Variants in SLC39A11 observed in about 807,000 individuals in gnomAD.
SLC39A11 encodes solute carrier family 39 member 11.
Under a neutral mutation model 36.1 loss-of-function variants are expected in SLC39A11, and 33 were observed. That is an observed-to-expected ratio of 0.91 (90% confidence interval 0.69 to 1.22). The LOEUF is 1.22. Ranked by LOEUF, SLC39A11 falls within the 50% of genes most tolerant of loss-of-function variation. The pLI, the probability that SLC39A11 is intolerant of heterozygous loss-of-function variation, is 0.00. For synonymous variants in SLC39A11, 166 were observed against 170.3 expected (o/e 0.97, Z 0.20); for missense variants, 432 against 430.3 (o/e 1.00, Z -0.03).
intron 5 of SLC39A11, among the ~76,000 whole-genome samples, chr17:72,850,445 C>T (rs1441958539): frequency 7.0e-6 from 1 of 143,506 alleles, no homozygotes; most frequent in Non-Finnish European, 1.5e-5. Context: ...CAGAGTAAGA[C>T]CCTGTCTCAA....
rs141255975 is a variant in SLC39A11 at position 72,698,978 on chromosome 17, C to G, written c.671+37672G>C. Among the ~76,000 whole-genome samples the G allele has an allele frequency of 3.9e-5, 6 of 152,180 alleles. No homozygotes were observed. In the South Asian group the frequency reaches 1.2e-3, roughly 32 times the overall value. ...CCCGAGTAGCTGGGACTACAGGCGC[C>G]CGCCACCACACCTAGATAATTTTTG... On this transcript the variant is annotated intron_variant, in intron 7 of 9. Transcript: ENST00000255559.
chr17:73,090,899 G>A (rs2060902181), intron 1 of SLC39A11, among the ~76,000 whole-genome samples: 3 of 152,184 alleles, frequency 2.0e-5, no homozygotes, highest in African/African-American at 7.2e-5. Context: ...GAGCAGCATT[G>A]ATCACGGGCA....
At chr17:72,999,690 T>A (rs1311003208) in intron 4 of SLC39A11, among the ~76,000 whole-genome samples, 4 of 152,186 alleles carry the variant, frequency 2.6e-5, no homozygotes. Context: ...ACTGACTGCC[T>A]AGGGCTGCAG....
intron 4 of SLC39A11, among the ~76,000 whole-genome samples, chr17:72,989,293 G>C (rs1403860988): frequency 6.6e-6 from 1 of 152,226 alleles, no homozygotes; most frequent in Admixed American, 6.5e-5. Context: ...GTATTTCACA[G>C]AGTTCTCCTG....
chr17:73,076,539 G>C (rs959773836), intron 3 of SLC39A11, among the ~76,000 whole-genome samples: 2 of 152,204 alleles, frequency 1.3e-5, no homozygotes, highest in Non-Finnish European at 2.9e-5. Flanking sequence ...CTACAGTGCT[G>C]TGTAGACATC....
At chr17:73,084,717 C>T (rs1394792689) in intron 3 of SLC39A11, 91 bp downstream of exon 3, 5 of 1,258,030 alleles carry the variant, frequency 4.0e-6, no homozygotes, top group Non-Finnish European at 5.8e-6. Flanking sequence ...GCATCTAGGT[C>T]GCAAGGGGAG....
rs1813361597 is a variant in SLC39A11, at chr17:72,736,690, C to A, written c.631G>T (p.Ala211Ser). 1.2e-6 allele frequency: 2 copies of A among 1,614,022 alleles called. No homozygotes were observed. Among genetic ancestry groups the A allele is most frequent in the Non-Finnish European group, 1.7e-6 (2 of 1,179,958 alleles). The change falls in exon 7 of 10, where the codon GCT (alanine) becomes TCT (serine). Residue 211 changes from alanine to serine, a missense_variant. Transcript: ENST00000255559. ...GTAGCAGATGCCGTCTTTTCTATAGCCCCAAATCCAACTCCAACAGCGAGA... is the reference window on the plus strand; with the variant it reads ...GTAGCAGATGCCGTCTTTTCTATAGACCCAAATCCAACTCCAACAGCGAGA... ...EGLAVGVGFG[A>S]IEKTASATFE...
chr17:73,076,799 T>C lies in SLC39A11; in HGVS notation c.147+8009A>G, dbSNP rs1045644807. 2.1e-5 allele frequency among the ~76,000 whole-genome samples: 3 copies of C among 141,018 alleles called. 1 individual carries two copies. In the South Asian group the frequency reaches 6.7e-4, roughly 31 times the overall value. The allele number at this position is 141,018 out of a possible 152,430, so 92.5% of individuals were successfully genotyped here. A position where few individuals can be genotyped will look rare whatever the true frequency, so the allele number is the denominator to read the frequency against. Reference sequence around the variant, plus strand: ...GGAAGAGGCAAGGGGACTTTCTTTTTTTCTTTTTTTTTTTTTTTTACATCT... The same window carrying C: ...GGAAGAGGCAAGGGGACTTTCTTTTCTTCTTTTTTTTTTTTTTTTACATCT... On this transcript the variant is annotated intron_variant, in intron 3 of 9. Coordinates refer to ENST00000255559, the MANE Select transcript of SLC39A11 (RefSeq NM_139177.4).
At chr17:72,699,108 G>C (rs111774634) in intron 7 of SLC39A11, among the ~76,000 whole-genome samples, 14,737 of 152,086 alleles carry the variant, frequency 0.097, 977 homozygotes, top group African/African-American at 0.19. Flanking sequence ...GGATTACAGG[G>C]GTGAGCCACA....
At position 72,669,203 on chromosome 17, in the gene SLC39A11, A is replaced by C. The variant is rs1214232618; in HGVS notation, c.672-19935T>G. Among the ~76,000 whole-genome samples the C allele has an allele frequency of 7.2e-5, 11 of 152,208 alleles. No homozygotes were observed. The East Asian group carries it at 2.1e-3, about 29-fold the overall frequency. ...GTTGCTCTACCTCAAGACTTCTCGA[A>C]AATGTACGTAACTGTAAGACGATGA... On this transcript the variant is annotated intron_variant, in intron 7 of 9. Transcript: ENST00000255559.
intron 6 of SLC39A11, among the ~76,000 whole-genome samples, chr17:72,759,345 G>C (rs534197963): frequency 2.6e-4 from 39 of 152,190 alleles, no homozygotes; most frequent in African/African-American, 8.2e-4. Context: ...GTGATCAAGA[G>C]AAACCAGGGT....
intron 3 of SLC39A11, among the ~76,000 whole-genome samples, chr17:73,036,778 G>A (rs1050817097): frequency 6.6e-6 from 1 of 152,082 alleles, no homozygotes; most frequent in African/African-American, 2.4e-5. Context: ...TCCACTCTTG[G>A]TGCTATACAT....
chr17:72,679,244 G>T (rs2071405206), intron 7 of SLC39A11, among the ~76,000 whole-genome samples: 1 of 152,146 alleles, frequency 6.6e-6, no homozygotes, highest in African/African-American at 2.4e-5. Flanking sequence ...GTAATTTATT[G>T]TATGCTTCAA....
At chr17:72,867,758 GCGCACACACACA>G (rs1429722709) in intron 5 of SLC39A11, among the ~76,000 whole-genome samples, 1 of 137,228 alleles carries the variant, frequency 7.3e-6, no homozygotes, top group East Asian at 2.0e-4. Context: ...TGAAGTGCGC[GCGCACACACACA>G]CACACACACA....
chr17:73,010,577 A>T (rs2090455753), intron 4 of SLC39A11, among the ~76,000 whole-genome samples: 1 of 152,022 alleles, frequency 6.6e-6, no homozygotes, highest in Non-Finnish European at 1.5e-5. Context: ...AGATGTTAAT[A>T]TTTTTTCTAA....
intron 6 of SLC39A11, among the ~76,000 whole-genome samples, chr17:72,737,121 C>T (rs1598504622): frequency 1.3e-5 from 2 of 151,892 alleles, no homozygotes; most frequent in East Asian, 1.9e-4. Flanking sequence ...ACTAAAAATA[C>T]GAGAGTTAGC....
At chr17:72,928,766 CA>C (rs1197578861) in intron 5 of SLC39A11, among the ~76,000 whole-genome samples, 4 of 152,150 alleles carry the variant, frequency 2.6e-5, no homozygotes, top group African/African-American at 9.7e-5. Flanking sequence ...GTGATACAAA[CA>C]AAGGGAAGTG....
intron 5 of SLC39A11, among the ~76,000 whole-genome samples, chr17:72,900,040 G>A (rs60786220): frequency 8.7e-6 from 1 of 115,284 alleles, no homozygotes; most frequent in Non-Finnish European, 1.8e-5. Context: ...GAGAGAAAGA[G>A]AGAGAGAAAG....
intron 6 of SLC39A11, among the ~76,000 whole-genome samples, chr17:72,799,972 G>A (rs911447168): frequency 1.3e-5 from 2 of 151,828 alleles, no homozygotes; most frequent in African/African-American, 2.4e-5. Context: ...CGGGCATCAC[G>A]GTCCTACTGA....
Sources: gnomAD v4.1 joint callset for allele counts (sites outside exome capture counted in the v4.1 genomes callset) on GRCh38, gnomAD v4.1.1 for gene constraint, MANE v1.5 for transcripts, NCBI Gene and HGNC (gene_info 2026-07-23, HGNC 2026-07-21) for gene names.